Variants in TMEFF2 observed in about 807,000 individuals in gnomAD.
The protein encoded by TMEFF2 is tomoregulin-2.
TMEFF2 carries 28 observed loss-of-function variants against 53.8 expected under a neutral mutation model. The observed-to-expected ratio is 0.52, with a 90% CI of 0.39 to 0.71. The LOEUF is 0.71. Among genes scored for constraint, TMEFF2 ranks in the 30% least tolerant of loss-of-function variants. The pLI is 0.00. For missense variants in TMEFF2, 353 were observed against 455.2 expected, an observed-to-expected ratio of 0.78 and a Z score of 2.04; for synonymous variants, 162 against 166.3, an observed-to-expected ratio of 0.97 and a Z score of 0.20.
intron 4 of TMEFF2, among the ~76,000 whole-genome samples, chr2:192,124,757 G>C (rs1304218847): frequency 6.6e-6 from 1 of 152,152 alleles, no homozygotes; most frequent in Non-Finnish European, 1.5e-5. Context: ...TAAGGACAGA[G>C]GAGTAATTCA....
rs1337601615 is a variant in TMEFF2, at chr2:191,950,385, T to C, written c.1051A>G (p.Ile351Val). The change falls in exon 10 of 10, where the codon ATT (isoleucine) becomes GTT (valine). Residue 351 changes from isoleucine (I) to valine (V), a missense_variant. By Grantham distance (29) the Ile-to-Val change is conservative. Coordinates refer to ENST00000272771, the MANE Select transcript of TMEFF2 (RefSeq NM_016192.4). Reference protein sequence around the residue: ...ITRKCPRSNRIHRQKQNTGHY... With the variant: ...ITRKCPRSNRVHRQKQNTGHY... ...CCTGTATTTTGCTTCTGTCTGTGAATTCTGTTGCTTCTGGGGCATTTCCTG... is the reference window on the plus strand; with the variant it reads ...CCTGTATTTTGCTTCTGTCTGTGAACTCTGTTGCTTCTGGGGCATTTCCTG... 4 of 1,613,936 alleles carry C rather than the reference T, an allele frequency of 2.5e-6. No homozygotes were observed. Among genetic ancestry groups the C allele is most frequent in the Non-Finnish European group, 3.4e-6 (4 of 1,179,972 alleles).
intron 4 of TMEFF2, among the ~76,000 whole-genome samples, chr2:192,111,899 T>C (rs1188005297): frequency 6.6e-6 from 1 of 152,192 alleles, no homozygotes; most frequent in Admixed American, 6.5e-5. Flanking sequence ...CCCCAAGCCT[T>C]GGCAGTTTCC....
chr2:192,182,236 A>C (rs1187345377), intron 3 of TMEFF2, among the ~76,000 whole-genome samples: 1 of 151,970 alleles, frequency 6.6e-6, no homozygotes, highest in African/African-American at 2.4e-5. Flanking sequence ...AACAGCATTA[A>C]AAAATAAATG....
intron 4 of TMEFF2, among the ~76,000 whole-genome samples, chr2:192,123,058 G>A (rs987078203): frequency 3.3e-5 from 5 of 152,144 alleles, no homozygotes; most frequent in Non-Finnish European, 5.9e-5. Context: ...CCCAATGGGA[G>A]AAAAATGAAT....
chr2:191,949,182 G>A lies in TMEFF2; in HGVS notation c.*1129C>T. ...TCACAGCTTATTTTTTCCAGATCAA[G>A]TTGTGATACCTATTTGTATGCACAA... On this transcript the variant is annotated 3_prime_UTR_variant, in exon 10 of 10. Coordinates refer to ENST00000272771, the MANE Select transcript of TMEFF2 (RefSeq NM_016192.4). The A allele has an allele frequency of 1.0e-6, 1 of 985,280 alleles. No homozygotes were observed. Among genetic ancestry groups the A allele is most frequent in the African/African-American group, 1.7e-5 (1 of 57,324 alleles). 61.0% of individuals were successfully genotyped at this position (985,280 alleles called of 1,614,324 possible).
At chr2:192,095,887 TCCTA>T (rs1688892321) in intron 4 of TMEFF2, among the ~76,000 whole-genome samples, 2 of 152,196 alleles carry the variant, frequency 1.3e-5, no homozygotes. Flanking sequence ...GAAGTATCCT[TCCTA>T]GTTTTTGACA....
At chr2:192,120,699 T>A (rs1006110814) in intron 4 of TMEFF2, among the ~76,000 whole-genome samples, 8 of 152,172 alleles carry the variant, frequency 5.3e-5, no homozygotes, top group Non-Finnish European at 8.8e-5. Context: ...AATGTAGAGA[T>A]CTGTTATAGT....
intron 4 of TMEFF2, among the ~76,000 whole-genome samples, chr2:192,160,027 T>C (rs1690595978): frequency 6.6e-6 from 1 of 152,182 alleles, no homozygotes; most frequent in African/African-American, 2.4e-5. Flanking sequence ...GCCAGAGGTT[T>C]AGTATTCAGA....
intron 7 of TMEFF2, among the ~76,000 whole-genome samples, chr2:191,959,813 A>T (rs1277421589): frequency 6.6e-6 from 1 of 152,202 alleles, no homozygotes; most frequent in Non-Finnish European, 1.5e-5. Flanking sequence ...GACAAAGATT[A>T]AAGGTTGGCC....
intron 4 of TMEFF2, among the ~76,000 whole-genome samples, chr2:192,158,673 G>A (rs1256517176): frequency 6.6e-6 from 1 of 151,948 alleles, no homozygotes; most frequent in East Asian, 1.9e-4. Context: ...CTCTAGTGCT[G>A]GTGAGACTTA....
In TMEFF2 at chr2:192,125,496, CTTAAAT is replaced by C. The variant is rs577657987; in HGVS notation, c.439+54166_439+54171del. ...GATTTTTAAGATCATCAAGAATATCCTTAAATTTAAAGTGAAGCTAACTACTAATTT... is the reference window on the plus strand; with the variant it reads ...GATTTTTAAGATCATCAAGAATATCCTTAAAGTGAAGCTAACTACTAATTT... On this transcript the variant is annotated intron_variant, in intron 4 of 9. Coordinates refer to ENST00000272771, the MANE Select transcript of TMEFF2 (RefSeq NM_016192.4). Among the ~76,000 whole-genome samples the C allele has an allele frequency of 1.3e-4, 20 of 152,150 alleles. 1 individual carries two copies. Among genetic ancestry groups the C allele is most frequent in the African/African-American group, 2.2e-4 (9 of 41,518 alleles).
intron 4 of TMEFF2, among the ~76,000 whole-genome samples, chr2:192,166,967 G>C (rs1470404500): frequency 2.0e-5 from 3 of 152,170 alleles, no homozygotes; most frequent in Admixed American, 6.6e-5. Context: ...AAAAATCCTG[G>C]GCAAACTGGC....
chr2:192,187,123 G>A (rs906977043), intron 2 of TMEFF2, among the ~76,000 whole-genome samples: 3 of 152,102 alleles, frequency 2.0e-5, no homozygotes, highest in Non-Finnish European at 4.4e-5. Flanking sequence ...AAGGAAGCAC[G>A]CTGTAAATCA....
intron 5 of TMEFF2, among the ~76,000 whole-genome samples, chr2:192,000,196 TTTA>T (rs1287675542): frequency 6.6e-6 from 1 of 152,104 alleles, no homozygotes; most frequent in African/African-American, 2.4e-5. Context: ...ATTTTAAATT[TTTA>T]TTAATATTTA....
intron 7 of TMEFF2, among the ~76,000 whole-genome samples, chr2:191,977,855 T>C (rs1685769183): frequency 6.6e-6 from 1 of 152,188 alleles, no homozygotes; most frequent in Non-Finnish European, 1.5e-5. Flanking sequence ...AACTATGTTT[T>C]TATGTTTGAT....
At position 192,075,285 on chromosome 2, in the gene TMEFF2, T is replaced by TTA. The variant is rs111733023; in HGVS notation, c.440-17512_440-17511dup. 2.0e-3 allele frequency among the ~76,000 whole-genome samples: 132 copies of TTA among 65,712 alleles called. 1 individual carries two copies. The highest frequency in any genetic ancestry group is 7.2e-3 in the African/African-American group (117 of 16,146). The allele number at this position is 65,712 out of a possible 152,430, so 43.1% of individuals were successfully genotyped here. A position where few individuals can be genotyped will look rare whatever the true frequency, so the allele number is the denominator to read the frequency against. On this transcript the variant is annotated intron_variant, in intron 4 of 9. Transcript: ENST00000272771. ...TTATTATACCCAGAGTACAGTACTA[T>TTA]TATATATATATATATATATATATAT... is the stretch of plus-strand genomic sequence containing the variant.
rs146855432 is a variant in TMEFF2, at chr2:192,011,313, A to G, written c.537-12105T>C. ...CCTCATTAATCCATTCATTCACTCA[A>G]CCATTCTATGTGGAGTGGCTACTCT... On this transcript the variant is annotated intron_variant, in intron 5 of 9. Coordinates refer to ENST00000272771, the MANE Select transcript of TMEFF2 (RefSeq NM_016192.4). 4.5e-3 allele frequency among the ~76,000 whole-genome samples: 682 copies of G among 152,302 alleles called. 3 individuals carry two copies. Among genetic ancestry groups the G allele is most frequent in the African/African-American group, 0.015 (643 of 41,556 alleles).
chr2:192,026,361 G>A (rs1686970532), intron 5 of TMEFF2, among the ~76,000 whole-genome samples: 1 of 152,048 alleles, frequency 6.6e-6, no homozygotes, highest in South Asian at 2.1e-4. Flanking sequence ...GCTCACTGTG[G>A]GTACTTTCCT....
At chr2:192,132,691 G>A (rs1241759586) in intron 4 of TMEFF2, among the ~76,000 whole-genome samples, 1 of 152,158 alleles carries the variant, frequency 6.6e-6, no homozygotes, top group Non-Finnish European at 1.5e-5. Flanking sequence ...TCCCCCAGGA[G>A]CTTGCTACAA....
Sources: gnomAD v4.1 joint callset for allele counts (sites outside exome capture counted in the v4.1 genomes callset) on GRCh38, gnomAD v4.1.1 for gene constraint, MANE v1.5 for transcripts, NCBI Gene and HGNC (gene_info 2026-07-23, HGNC 2026-07-21) for gene names.